The following PTPN22 variants were observed in gnomAD, a reference collection of about 807,000 sequenced individuals.
PTPN22 encodes protein tyrosine phosphatase non-receptor type 22.
PTPN22 carries 85 observed loss-of-function variants against 103.3 expected under a neutral mutation model. The observed-to-expected ratio is 0.82, with a 90% CI of 0.69 to 0.99. The LOEUF (loss-of-function observed/expected upper bound fraction) is 0.99, where lower values mean the gene tolerates loss of function less well. PTPN22 is among the 50% of genes least tolerant of loss of function. The pLI is 0.00. For missense variants in PTPN22, 865 were observed against 936.9 expected (o/e 0.92, Z 1.00); for synonymous variants, 323 against 310.2 (o/e 1.04, Z -0.43).
intron 11 of PTPN22, among the ~76,000 whole-genome samples, chr1:113,843,570 G>A (rs966328770): frequency 6.6e-6 from 1 of 151,988 alleles, no homozygotes; most frequent in Middle Eastern, 3.4e-3. Flanking sequence ...GGATACAGAG[G>A]GTCTGTTTAG....
At chr1:113,842,381 A>G (rs775520982) in intron 11 of PTPN22, among the ~76,000 whole-genome samples, 5 of 152,252 alleles carry the variant, frequency 3.3e-5, no homozygotes. Flanking sequence ...GCTGCCATCA[A>G]AAAAACAAAA....
chr1:113,832,010 G>A (rs184831270), intron 16 of PTPN22, among the ~76,000 whole-genome samples: 188 of 152,006 alleles, frequency 1.2e-3, no homozygotes, highest in African/African-American at 4.1e-3. Flanking sequence ...AAAGCTTTAC[G>A]ACATTATTGT....
intron 1 of PTPN22, 61 bp downstream of exon 1, chr1:113,871,476 C>G (rs549792268): frequency 7.2e-7 from 1 of 1,382,938 alleles, no homozygotes. Context: ...GAAAATTGGA[C>G]CCCCATAGTC....
chr1:113,856,009 CTCT>C (rs1384435835), intron 7 of PTPN22, among the ~76,000 whole-genome samples: 1 of 152,036 alleles, frequency 6.6e-6, no homozygotes, highest in Non-Finnish European at 1.5e-5. Context: ...TAACAATGGT[CTCT>C]TCTTTTTTTC....
At chr1:113,852,205 A>G in intron 9 of PTPN22, 101 bp from the exon 10 acceptor site, 1 of 785,660 alleles carries the variant, frequency 1.3e-6, no homozygotes, top group Non-Finnish European at 2.1e-6. Flanking sequence ...CTCTTCTAAC[A>G]TGGGGTAATA....
chr1:113,824,833 T>C (rs1661903957), intron 19 of PTPN22, among the ~76,000 whole-genome samples: 1 of 152,042 alleles, frequency 6.6e-6, no homozygotes, highest in African/African-American at 2.4e-5. Context: ...ACCCCATCTC[T>C]GCTATTAAAA....
At chr1:113,823,698 T>C (rs183496399) in intron 19 of PTPN22, among the ~76,000 whole-genome samples, 5 of 152,384 alleles carry the variant, frequency 3.3e-5, no homozygotes, top group Admixed American at 2.6e-4. Context: ...CTGAGTTAGG[T>C]GGATCAAACC....
chr1:113,870,332 T>G (rs1017806289), intron 1 of PTPN22, among the ~76,000 whole-genome samples: 18 of 152,212 alleles, frequency 1.2e-4, no homozygotes, highest in African/African-American at 4.1e-4. Flanking sequence ...AGGTTTGTAC[T>G]TCAGTTCCCC....
intron 19 of PTPN22, among the ~76,000 whole-genome samples, chr1:113,821,026 A>C (rs1485305510): frequency 6.6e-6 from 1 of 151,198 alleles, no homozygotes; most frequent in Non-Finnish European, 1.5e-5. Flanking sequence ...ATAAGTATAA[A>C]ATACTATTCA....
exon 1 of PTPN22, chr1:113,871,678 G>A (rs983627042): frequency 6.6e-6 from 10 of 1,509,774 alleles, no homozygotes; most frequent in Middle Eastern, 3.4e-4. Flanking sequence ...CATGTCAAAT[G>A]TGTGTCATGG....
chr1:113,834,654 G>T (rs992626605), intron 14 of PTPN22, among the ~76,000 whole-genome samples: 34 of 152,030 alleles, frequency 2.2e-4, no homozygotes, highest in Non-Finnish European at 1.3e-4. Context: ...CAACTCCTGG[G>T]CTCAAGTGAT....
chr1:113,848,666 CA>C, intron 10 of PTPN22, 40 bp from the exon 11 acceptor site: 5 of 1,574,820 alleles, frequency 3.2e-6, no homozygotes, highest in South Asian at 1.2e-5. Context: ...AAAACAAAAA[CA>C]AAAAAATTGG....
Position 113,864,405 on chromosome 1 carries a change from AG to A in PTPN22, c.88-4946del, listed in dbSNP as rs1490263106. 4.0e-4 allele frequency: 51 copies of A among 126,624 alleles called. 1 individual carries two copies. Among genetic ancestry groups the A allele is most frequent in the South Asian group, 6.6e-4 (11 of 16,554 alleles). The allele number at this position is 126,624 out of a possible 1,614,324, so 7.8% of individuals were successfully genotyped here. A position where few individuals can be genotyped will look rare whatever the true frequency, so the allele number is the denominator to read the frequency against. The stretch of plus-strand genomic sequence containing the variant: ...ACCCTGTCTCCAGAAAAAAAAAAAA[AG>A]AAAGAAAAGAAGAAAAGAAAAGAAA... On this transcript the variant is annotated intron_variant, in intron 1 of 20. Transcript: ENST00000359785.
intron 13 of PTPN22, 81 bp from the exon 14 acceptor site, chr1:113,835,074 T>A: frequency 1.4e-6 from 1 of 703,610 alleles, no homozygotes; most frequent in Admixed American, 4.0e-5. Context: ...ATATTAAATA[T>A]AAATTTACCA....
exon 17 of PTPN22, chr1:113,830,004 G>A: frequency 6.2e-7 from 1 of 1,606,394 alleles, no homozygotes; most frequent in Non-Finnish European, 8.5e-7. Flanking sequence ...GAGGAGGTGG[G>A]GGAGAAGAAC....
rs185411520 is a variant in PTPN22 at position 113,821,095 on chromosome 1, A to G, written c.2282-1441T>C. On this transcript the variant is annotated intron_variant, in intron 19 of 20. Transcript: ENST00000359785. ...GTAGGCACTGAAGATAGAGACATTA[A>G]TAGAAAGTAGTAAAGGTGAGGAAGT... is the stretch of plus-strand genomic sequence containing the variant. Among the ~76,000 whole-genome samples the G allele has an allele frequency of 5.9e-5, 9 of 152,252 alleles. No homozygotes were observed. In the South Asian group the frequency reaches 1.9e-3, roughly 32 times the overall value.
At chr1:113,870,405 G>A (rs76853721) in intron 1 of PTPN22, among the ~76,000 whole-genome samples, 3,302 of 152,134 alleles carry the variant, frequency 0.022, 45 homozygotes, top group African/African-American at 0.036. Context: ...TCTCTGAAAC[G>A]CCAGCTGTAA....
chr1:113,868,093 A>AT (rs1666266899), intron 1 of PTPN22, among the ~76,000 whole-genome samples: 1 of 151,948 alleles, frequency 6.6e-6, no homozygotes, highest in Non-Finnish European at 1.5e-5. Flanking sequence ...TATTTTTGGT[A>AT]TTTTTTTCAA....
chr1:113,815,067 G>A (rs1347994738), intron 20 of PTPN22, 98 bp from the exon 21 acceptor site: 3 of 860,140 alleles, frequency 3.5e-6, no homozygotes, highest in Non-Finnish European at 5.4e-6. Flanking sequence ...GCAAATACAT[G>A]GTCTTTTTTT....
Sources: gnomAD v4.1 joint callset for allele counts (sites outside exome capture counted in the v4.1 genomes callset) on GRCh38, gnomAD v4.1.1 for gene constraint, MANE v1.5 for transcripts, NCBI Gene and HGNC (gene_info 2026-07-23, HGNC 2026-07-21) for gene names.